The following TRPC3 variants were observed in gnomAD, a reference collection of about 807,000 sequenced individuals.
TRPC3 encodes the protein transient receptor potential cation channel subfamily C member 3, also known as short transient receptor potential channel 3.
In TRPC3, 54 loss-of-function variants were observed where a neutral mutation model predicts 90.9. The observed-to-expected ratio is 0.59, with a 90% CI of 0.48 to 0.75. TRPC3 has a LOEUF of 0.75. Among genes scored for constraint, TRPC3 ranks in the 30% least tolerant of loss-of-function variants. The pLI, the probability that TRPC3 is intolerant of heterozygous loss-of-function variation, is 0.00. For synonymous variants in TRPC3, 424 were observed against 450.9 expected (o/e 0.94, Z 0.75); for missense variants, 918 against 1,194.5 (o/e 0.77, Z 3.41).
chr4:121,906,528 T>C (rs777819978), intron 7 of TRPC3, among the ~76,000 whole-genome samples: 7 of 152,142 alleles, frequency 4.6e-5, no homozygotes, highest in African/African-American at 1.4e-4. Context: ...TTTAGAACAA[T>C]TGAGATGTCT....
intron 2 of TRPC3, chr4:121,930,722 T>C: frequency 3.1e-6 from 1 of 325,624 alleles, no homozygotes; most frequent in South Asian, 2.4e-5. Flanking sequence ...TAGAATTATG[T>C]TTTAATTACT....
chr4:121,898,928 T>C (rs574269401), intron 10 of TRPC3, among the ~76,000 whole-genome samples: 6 of 152,254 alleles, frequency 3.9e-5, no homozygotes, highest in African/African-American at 1.2e-4. Context: ...TTCCTGCTTC[T>C]AAAAAAATTG....
intron 10 of TRPC3, among the ~76,000 whole-genome samples, chr4:121,891,601 A>T (rs1266022038): frequency 2.0e-5 from 3 of 152,186 alleles, no homozygotes; most frequent in African/African-American, 4.8e-5. Context: ...TCTGCCTAAA[A>T]ACAGGACATA....
intron 1 of TRPC3, among the ~76,000 whole-genome samples, chr4:121,943,086 G>A (rs950574): frequency 0.47 from 72,062 of 151,978 alleles, 18,209 homozygotes; most frequent in East Asian, 0.6. Flanking sequence ...CCATATGCTT[G>A]GCTTTTAGTA....
chr4:121,907,605 T>A, intron 6 of TRPC3, 38 bp from the exon 7 acceptor site: 1 of 1,571,578 alleles, frequency 6.4e-7, no homozygotes, highest in Non-Finnish European at 8.6e-7. Flanking sequence ...AATGGAGCTT[T>A]CTATTCATTG....
At chr4:121,915,488 T>C (rs1269428731) in intron 3 of TRPC3, among the ~76,000 whole-genome samples, 2 of 152,220 alleles carry the variant, frequency 1.3e-5, no homozygotes, top group East Asian at 3.8e-4. Context: ...AAATAATCAA[T>C]TGAACTTGCA....
intron 10 of TRPC3, among the ~76,000 whole-genome samples, 183 bp from the exon 11 acceptor site, chr4:121,882,612 C>T (rs964997260): frequency 6.6e-6 from 1 of 152,128 alleles, no homozygotes; most frequent in African/African-American, 2.4e-5. Flanking sequence ...TCTACTGAGA[C>T]TTACTGCATA....
chr4:121,917,276 T>C (rs1182678134), intron 3 of TRPC3, among the ~76,000 whole-genome samples: 1 of 152,182 alleles, frequency 6.6e-6, no homozygotes, highest in Admixed American at 6.5e-5. Context: ...AACTCACGAA[T>C]ATCAAAGTTG....
rs1491436806 is a variant in TRPC3, at chr4:121,879,230, TTA to T, written c.*504_*505del. Reference sequence around the variant, plus strand: ...GGTTGTAAAATGTCTTCAGTTTCTATTAAAAAAAAAAAAAAAAAACCTCTTCA... The same window carrying T: ...GGTTGTAAAATGTCTTCAGTTTCTATAAAAAAAAAAAAAAAAACCTCTTCA... On this transcript the variant is annotated 3_prime_UTR_variant, in exon 12 of 12. Coordinates refer to ENST00000379645, the MANE Select transcript of TRPC3 (RefSeq NM_001130698.2). 1 of 139,734 alleles carries T rather than the reference TTA, an allele frequency of 7.2e-6. No individual in the cohort carries two copies. The highest frequency in any genetic ancestry group is 2.9e-5 in the African/African-American group (1 of 34,450). 8.7% of individuals were successfully genotyped at this position (139,734 alleles called of 1,614,324 possible).
intron 1 of TRPC3, among the ~76,000 whole-genome samples, chr4:121,943,781 T>A (rs976523139): frequency 1.2e-4 from 19 of 152,192 alleles, no homozygotes; most frequent in African/African-American, 4.6e-4. Context: ...CATCCATATC[T>A]AAAGTCAAAA....
chr4:121,925,335 G>T, intron 2 of TRPC3, 129 bp from the exon 3 acceptor site: 3 of 967,524 alleles, frequency 3.1e-6, no homozygotes, highest in Non-Finnish European at 4.4e-6. Context: ...TGGATGCAAG[G>T]CTTGTTGAGC....
At position 121,932,946 on chromosome 4, in the gene TRPC3, G is replaced by A. The variant is rs1485618515; in HGVS notation, c.312C>T (p.Asp104=). 1.2e-6 allele frequency: 2 copies of A among 1,613,718 alleles called. No individual in the cohort carries two copies. The highest frequency in any genetic ancestry group is 2.7e-5 in the African/African-American group (2 of 74,948). ...CCTCGGCGGTGAGGCTGGTGCCGCG[G>A]TCATTGAACATGAAGGCCGGGCCCC... The part of the protein sequence containing the change: ...AVRGPAFMFN[D]RGTSLTAEEE... The change falls in exon 2 of 12, where the codon GAC becomes GAT. Residue 104 remains aspartate (D), a synonymous_variant. Coordinates refer to ENST00000379645, the MANE Select transcript of TRPC3 (RefSeq NM_001130698.2). This position sits in a 1 kb window ranked among gnomAD's most constrained non-coding sequence, Gnocchi z 7.7.
In TRPC3 at chr4:121,907,392, G is replaced by A. The variant is rs200853037; in HGVS notation, c.1968C>T (p.Leu656=). 4 of 1,613,298 alleles carry A rather than the reference G, an allele frequency of 2.5e-6. No individual in the cohort carries two copies. In the African/African-American group the frequency reaches 4.0e-5, roughly 16 times the overall value. Reference sequence around the variant, plus strand: ...TAAAGGCAAAAAACACCATAATAAAGAGGACCATGAACTTGAATATGTCCT... The same window carrying A: ...TAAAGGCAAAAAACACCATAATAAAAAGGACCATGAACTTGAATATGTCCT... The part of the protein sequence containing the change: ...TVKDIFKFMV[L]FIMVFFAFMI... Residue 656 remains leucine (L), a synonymous_variant, in exon 7 of 12, where the codon CTC becomes CTT. Coordinates refer to ENST00000379645, the MANE Select transcript of TRPC3 (RefSeq NM_001130698.2).
intron 3 of TRPC3, among the ~76,000 whole-genome samples, chr4:121,924,041 C>T (rs895445423): frequency 1.3e-5 from 2 of 152,042 alleles, no homozygotes; most frequent in Non-Finnish European, 2.9e-5. Context: ...ATACACATAA[C>T]AGTTTTTCTG....
chr4:121,949,660 C>A (rs1269765390), intron 1 of TRPC3, among the ~76,000 whole-genome samples: 2 of 152,160 alleles, frequency 1.3e-5, no homozygotes, highest in Non-Finnish European at 2.9e-5. Flanking sequence ...TGCTGCCCTG[C>A]CTCTAGAAGA....
At chr4:121,942,525 C>T (rs767299576) in intron 1 of TRPC3, among the ~76,000 whole-genome samples, 3 of 152,140 alleles carry the variant, frequency 2.0e-5, no homozygotes, top group African/African-American at 4.8e-5. Context: ...GCCAAGATTG[C>T]GCTGCTGCAC....
At chr4:121,904,179 A>T in intron 8 of TRPC3, 143 bp downstream of exon 8, 1 of 663,898 alleles carries the variant, frequency 1.5e-6, no homozygotes, top group South Asian at 2.7e-5. Context: ...CCAGGTAGAA[A>T]ACACAGGGAA....
At chr4:121,930,071 C>T (rs1031851121) in intron 2 of TRPC3, among the ~76,000 whole-genome samples, 3 of 151,536 alleles carry the variant, frequency 2.0e-5, no homozygotes, top group African/African-American at 7.3e-5. Flanking sequence ...CCCTGACAGA[C>T]GGACATGAAC....
chr4:121,932,665 G>C lies in TRPC3; in HGVS notation c.593C>G (p.Pro198Arg). The C allele has an allele frequency of 1.2e-6, 2 of 1,612,886 alleles. No individual in the cohort carries two copies. Among genetic ancestry groups the C allele is most frequent in the Non-Finnish European group, 8.5e-7 (1 of 1,179,140 alleles). Reference sequence around the variant, plus strand: ...GAGACGCTTGCTGGCCGCGAAGCCAGGGTGGTTGAGGATGGCCTCTACGAT... The same window carrying C: ...GAGACGCTTGCTGGCCGCGAAGCCACGGTGGTTGAGGATGGCCTCTACGAT... Reference protein sequence around the residue: ...VRIVEAILNHPGFAASKRLTL... With the variant: ...VRIVEAILNHRGFAASKRLTL... The change falls in exon 2 of 12, where the codon CCT (proline) becomes CGT (arginine). Residue 198 changes from proline to arginine, a missense_variant. Coordinates refer to ENST00000379645, the MANE Select transcript of TRPC3 (RefSeq NM_001130698.2). The surrounding 1 kb of genome is among the most constrained non-coding windows in gnomAD (Gnocchi z 7.7).
Sources: allele counts gnomAD v4.1 joint callset (sites outside exome capture counted in the v4.1 genomes callset), GRCh38; gene constraint gnomAD v4.1.1; non-coding constraint Gnocchi (gnomAD v3.1); transcripts MANE v1.5; gene names NCBI Gene and HGNC (gene_info 2026-07-23, HGNC 2026-07-21).